RUVBL1: variants seen among roughly 807,000 people sequenced by gnomAD.
The protein encoded by RUVBL1 is RuvB like AAA ATPase 1, also known as ruvB-like 1.
Under a neutral mutation model 52.4 loss-of-function variants are expected in RUVBL1, and 4 were observed. That is an observed-to-expected ratio of 0.08 (90% CI 0.04 to 0.17). RUVBL1 has a LOEUF of 0.17. Among genes scored for constraint, RUVBL1 ranks in the 10% least tolerant of loss-of-function variants. The probability of loss-of-function intolerance (pLI) is 1.00; values close to 1 mark genes in which losing one functional copy is unlikely to be tolerated. For synonymous variants in RUVBL1, 217 were observed against 214.4 expected, an observed-to-expected ratio of 1.01 and a Z score of -0.10; for missense variants, 298 against 572.8, an observed-to-expected ratio of 0.52 and a Z score of 4.90.
At chr3:128,116,200 G>C (rs868383705) in intron 2 of RUVBL1, among the ~76,000 whole-genome samples, 1 of 151,394 alleles carries the variant, frequency 6.6e-6, no homozygotes, top group African/African-American at 2.4e-5. Context: ...ACATAAAAGA[G>C]GACTCTTGAA....
At position 128,081,144 on chromosome 3, in the gene RUVBL1, C is replaced by CGTGG; in HGVS notation, c.*105_*106insCCAC. ...ACTGAACTGACAGCGCTGCAGACCA[C>CGTGG]GCCTGAGTGGGGACGGCAGCCCCAA... On this transcript the variant is annotated 3_prime_UTR_variant, in exon 11 of 11. Coordinates refer to ENST00000322623, the MANE Select transcript of RUVBL1 (RefSeq NM_003707.3). The surrounding 1 kb of genome is among the most constrained non-coding windows in gnomAD (Gnocchi z 4.8). The CGTGG allele has an allele frequency of 8.6e-7, 1 of 1,165,036 alleles. No individual in the cohort carries two copies. The allele number at this position is 1,165,036 out of a possible 1,614,324, so 72.2% of individuals were successfully genotyped here.
downstream of RUVBL1, among the ~76,000 whole-genome samples, chr3:128,079,388 C>A (rs188412871): frequency 6.6e-6 from 1 of 152,352 alleles, no homozygotes; most frequent in African/African-American, 2.4e-5. Flanking sequence ...CACTAGCTGG[C>A]CAAGGGACTT....
intron 8 of RUVBL1, among the ~76,000 whole-genome samples, chr3:128,095,313 C>T (rs563862742): frequency 1.8e-4 from 28 of 152,362 alleles, no homozygotes; most frequent in Non-Finnish European, 3.4e-4. Flanking sequence ...GCAGAGCTCC[C>T]CAGCAGGGGG....
rs1370739274 is a variant in RUVBL1, at chr3:128,066,584, G to A, written c.940-1364C>T. ...ACTACAGGCGCGCACCACCACACCC[G>A]GCCAGTTTTGTTTATTTTTTGTAGA... is the stretch of plus-strand genomic sequence containing the variant. On this transcript the variant is annotated intron_variant, in intron 9 of 9. Transcript: ENST00000464873. The A allele has an allele frequency of 2.2e-5, 5 of 228,358 alleles. No homozygotes were observed. The East Asian group carries it at 4.7e-4, about 21-fold the overall frequency. The allele number at this position is 228,358 out of a possible 1,614,324, so 14.1% of individuals were successfully genotyped here. A position where few individuals can be genotyped will look rare whatever the true frequency, so the allele number is the denominator to read the frequency against.
chr3:128,100,488 A>ACC, intron 6 of RUVBL1, 107 bp downstream of exon 6: 1 of 1,342,378 alleles, frequency 7.4e-7, no homozygotes, highest in Non-Finnish European at 1.0e-6. Context: ...ATAGAAAAGG[A>ACC]CCGTCTACCT....
intron 1 of RUVBL1, among the ~76,000 whole-genome samples, chr3:128,142,503 T>C (rs776871882): frequency 2.6e-5 from 4 of 152,240 alleles, no homozygotes; most frequent in Non-Finnish European, 4.4e-5. Flanking sequence ...ATTGGTTTCC[T>C]ATTGCTGCCA....
At chr3:128,097,085 G>A (rs932200718) in intron 8 of RUVBL1, among the ~76,000 whole-genome samples, 7 of 152,140 alleles carry the variant, frequency 4.6e-5, no homozygotes, top group Non-Finnish European at 7.4e-5. Context: ...AAAAGATCAC[G>A]TGGGAGACCC....
At chr3:128,079,873 A>G (rs2107667224), downstream of RUVBL1, among the ~76,000 whole-genome samples, 1 of 152,368 alleles carries the variant, frequency 6.6e-6, no homozygotes, top group African/African-American at 2.4e-5. Context: ...CACTGGACCA[A>G]GATGACCATC....
chr3:128,070,236 C>A (rs917673025), intron 9 of RUVBL1: 1 of 152,350 alleles, frequency 6.6e-6, no homozygotes, highest in African/African-American at 2.4e-5. Context: ...GACAGAACTT[C>A]TTCCAAAAGA....
At chr3:128,149,712 TC>T (rs774576243) in intron 1 of RUVBL1, among the ~76,000 whole-genome samples, 7 of 152,174 alleles carry the variant, frequency 4.6e-5, no homozygotes, top group Non-Finnish European at 1.0e-4. Context: ...ATGGTTTCTC[TC>T]CATGGGAATC....
chr3:128,111,203 G>A (rs564951681), intron 3 of RUVBL1, among the ~76,000 whole-genome samples: 6 of 138,392 alleles, frequency 4.3e-5, no homozygotes, highest in East Asian at 4.2e-4. Context: ...CCAGCCTGGC[G>A]ACAGAGACTC....
At chr3:128,136,860 A>G (rs1399374875) in intron 1 of RUVBL1, among the ~76,000 whole-genome samples, 1 of 152,210 alleles carries the variant, frequency 6.6e-6, no homozygotes, top group Non-Finnish European at 1.5e-5. Flanking sequence ...AAGAGGATAT[A>G]ACAATTGTAA....
At chr3:128,065,944 G>T (rs933894847) in intron 9 of RUVBL1, among the ~76,000 whole-genome samples, 3 of 151,680 alleles carry the variant, frequency 2.0e-5, no homozygotes, top group African/African-American at 7.3e-5. Context: ...GGGTTTCACC[G>T]TGTTAGCCAG....
At chr3:128,110,131 A>T (rs1197978706) in intron 3 of RUVBL1, among the ~76,000 whole-genome samples, 1 of 152,046 alleles carries the variant, frequency 6.6e-6, no homozygotes, top group Admixed American at 6.6e-5. Context: ...TACAGTTTTT[A>T]AAAAATTAGC....
chr3:128,123,253 A>G (rs532258522), intron 1 of RUVBL1, among the ~76,000 whole-genome samples: 2 of 152,254 alleles, frequency 1.3e-5, no homozygotes, highest in South Asian at 4.1e-4. Flanking sequence ...GTAAGCTCCT[A>G]TCTTAATTCC....
chr3:128,135,875 T>C (rs1029823036), intron 1 of RUVBL1, among the ~76,000 whole-genome samples: 1 of 152,212 alleles, frequency 6.6e-6, no homozygotes, highest in African/African-American at 2.4e-5. Flanking sequence ...GATGAACTTA[T>C]CAAAAATAAT....
intron 9 of RUVBL1, among the ~76,000 whole-genome samples, chr3:128,072,014 G>A (rs1259051642): frequency 6.6e-6 from 1 of 152,238 alleles, no homozygotes; most frequent in Non-Finnish European, 1.5e-5. Context: ...GGAGCCTAGG[G>A]CCCCATAACT....
intron 9 of RUVBL1, chr3:128,068,105 G>A: frequency 6.6e-7 from 1 of 1,513,660 alleles, no homozygotes; most frequent in South Asian, 1.1e-5. Context: ...GTGGACATGT[G>A]TTGTTTCTTT....
At chr3:128,128,692 G>A (rs529038074), upstream of RUVBL1, among the ~76,000 whole-genome samples, 1 of 152,332 alleles carries the variant, frequency 6.6e-6, no homozygotes, top group Admixed American at 6.5e-5. Context: ...GAGAAATGTA[G>A]TCTTACACTG....
Sources: allele counts gnomAD v4.1 joint callset (sites outside exome capture counted in the v4.1 genomes callset), GRCh38; gene constraint gnomAD v4.1.1; non-coding constraint Gnocchi (gnomAD v3.1); transcripts MANE v1.5; gene names NCBI Gene and HGNC (gene_info 2026-07-23, HGNC 2026-07-21).